BNC2: variants seen among roughly 807,000 people sequenced by gnomAD.
BNC2 encodes basonuclin zinc finger protein 2.
BNC2 carries 20 observed loss-of-function variants against 76.3 expected under a neutral mutation model. The observed-to-expected ratio is 0.26, with a 90% CI of 0.18 to 0.38. The LOEUF (loss-of-function observed/expected upper bound fraction) is 0.38. Ranked by LOEUF, BNC2 falls within the 10% of genes least tolerant of loss-of-function variation. The pLI is 1.00. For missense variants in BNC2, 1,382 were observed against 1,399.8 expected (o/e 0.99, Z 0.20); for synonymous variants, 582 against 514.8 (o/e 1.13, Z -1.77).
intron 3 of BNC2, among the ~76,000 whole-genome samples, chr9:16,677,578 A>AACACACACACAC (rs57587457): frequency 0.017 from 2,431 of 139,306 alleles, 47 homozygotes; most frequent in East Asian, 0.047. Context: ...GTCTCAAACA[A>AACACACACACAC]ACACACACAC....
At chr9:16,528,847 C>T (rs747274054) in intron 5 of BNC2, among the ~76,000 whole-genome samples, 1 of 152,148 alleles carries the variant, frequency 6.6e-6, no homozygotes, top group African/African-American at 2.4e-5. Flanking sequence ...TGGAAAGAGG[C>T]CTGTATTAGT....
At chr9:16,819,176 C>T (rs183744696) in intron 1 of BNC2, among the ~76,000 whole-genome samples, 6 of 152,164 alleles carry the variant, frequency 3.9e-5, no homozygotes, top group East Asian at 3.9e-4. Context: ...GTACAACAAA[C>T]GGTCAAAGAA....
At chr9:16,814,280 GACACACACAT>G (rs1402736729) in intron 1 of BNC2, among the ~76,000 whole-genome samples, 2 of 152,052 alleles carry the variant, frequency 1.3e-5, no homozygotes, top group African/African-American at 2.4e-5. Context: ...TGCACACAGG[GACACACACAT>G]ACACACACAC....
At chr9:16,769,203 G>A (rs1451174821) in intron 1 of BNC2, among the ~76,000 whole-genome samples, 5 of 152,148 alleles carry the variant, frequency 3.3e-5, no homozygotes, top group Non-Finnish European at 1.5e-5. Context: ...ACAAAACTAA[G>A]TGCGCTTTTT....
At chr9:16,821,986 G>A (rs745328734) in intron 1 of BNC2, among the ~76,000 whole-genome samples, 26 of 151,638 alleles carry the variant, frequency 1.7e-4, no homozygotes, top group Non-Finnish European at 3.1e-4. Context: ...CCAGCTACTC[G>A]GGAGGCTGAA....
At chr9:16,654,146 G>A (rs1587277650) in intron 3 of BNC2, among the ~76,000 whole-genome samples, 1 of 152,064 alleles carries the variant, frequency 6.6e-6, no homozygotes. Flanking sequence ...TCAGAGAGAG[G>A]GACAAAAGCA....
intron 4 of BNC2, among the ~76,000 whole-genome samples, chr9:16,560,153 T>C (rs896230381): frequency 1.4e-4 from 22 of 152,180 alleles, no homozygotes; most frequent in African/African-American, 3.9e-4. Context: ...GGTCTGGGCA[T>C]CAAGAATCTG....
chr9:16,814,944 C>T (rs575989341), intron 1 of BNC2, among the ~76,000 whole-genome samples: 131 of 152,254 alleles, frequency 8.6e-4, no homozygotes, highest in Non-Finnish European at 1.6e-3. Context: ...ACAAACACTT[C>T]AGATGATTAT....
At chr9:16,667,738 G>GA (rs1822343545) in intron 3 of BNC2, among the ~76,000 whole-genome samples, 1 of 152,064 alleles carries the variant, frequency 6.6e-6, no homozygotes, top group South Asian at 2.1e-4. Flanking sequence ...TTTATATACA[G>GA]AAAAAAATAT....
At chr9:16,560,430 G>A (rs1192940511) in intron 4 of BNC2, among the ~76,000 whole-genome samples, 1 of 152,178 alleles carries the variant, frequency 6.6e-6, no homozygotes, top group East Asian at 1.9e-4. Flanking sequence ...AGAGGAAAAT[G>A]GGTAGGTGTG....
chr9:16,848,804 G>A (rs946355985), intron 1 of BNC2, among the ~76,000 whole-genome samples: 5 of 152,164 alleles, frequency 3.3e-5, no homozygotes, highest in African/African-American at 1.2e-4. Flanking sequence ...CACTTTTTGA[G>A]TACCAACATG....
intron 5 of BNC2, among the ~76,000 whole-genome samples, chr9:16,498,655 T>A (rs538148285): frequency 2.0e-5 from 3 of 149,904 alleles, no homozygotes; most frequent in South Asian, 4.2e-4. Flanking sequence ...CCCAATAACT[T>A]ATAGAAAAAT....
Position 16,419,626 on chromosome 9 carries a change from T to C in BNC2, c.2663A>G (p.His888Arg), listed in dbSNP as rs1563774686. The part of the protein sequence containing the change: ...RDRHSANINL[H>R]RKLLTKELDD... ...GAGTTCTTTGGTCAACAGTTTACGA[T>C]GTAGGTTTATGTTGGCACTGTGTCT... The change falls in exon 7 of 7, where the codon CAT (histidine) becomes CGT (arginine). Residue 888 changes from histidine to arginine, a missense_variant. This residue lies in a region of BNC2 where 798 missense variants were observed against 775.5 expected (regional missense o/e 1.03). Transcript: ENST00000380672. 7.1e-7 allele frequency: 1 copy of C among 1,415,358 alleles called. No homozygotes were observed. Among genetic ancestry groups the C allele is most frequent in the East Asian group, 3.6e-5 (1 of 27,942 alleles). 87.7% of individuals were successfully genotyped at this position (1,415,358 alleles called of 1,614,324 possible). A position where few individuals can be genotyped will look rare whatever the true frequency, so the allele number is the denominator to read the frequency against.
At chr9:16,437,826 A>G (rs1261136166) in intron 5 of BNC2, among the ~76,000 whole-genome samples, 1 of 152,200 alleles carries the variant, frequency 6.6e-6, no homozygotes. Context: ...TTTAACAACA[A>G]TGATCTATAT....
chr9:16,821,865 G>A (rs934528338), intron 1 of BNC2, among the ~76,000 whole-genome samples: 10 of 151,982 alleles, frequency 6.6e-5, no homozygotes, highest in South Asian at 6.2e-4. Flanking sequence ...AGGCCAAGGC[G>A]GACGGATCAC....
intron 1 of BNC2, among the ~76,000 whole-genome samples, chr9:16,831,724 A>G (rs7030523): frequency 3.9e-4 from 60 of 152,264 alleles, no homozygotes; most frequent in African/African-American, 1.0e-3. Flanking sequence ...TTCTGTCCTT[A>G]ATCTACTGTG....
intron 6 of BNC2, among the ~76,000 whole-genome samples, chr9:16,423,329 G>A (rs571868875): frequency 2.8e-4 from 42 of 152,216 alleles, no homozygotes; most frequent in African/African-American, 9.6e-4. Context: ...TGATTTGGAA[G>A]GCAAGAAAGA....
intron 1 of BNC2, among the ~76,000 whole-genome samples, chr9:16,862,624 C>T (rs1012688379): frequency 6.6e-6 from 1 of 152,314 alleles, no homozygotes; most frequent in East Asian, 1.9e-4. Context: ...GTGCAGGATA[C>T]CTGCAGAGAG....
At chr9:16,844,435 A>G (rs1023657575) in intron 1 of BNC2, among the ~76,000 whole-genome samples, 2 of 151,358 alleles carry the variant, frequency 1.3e-5, no homozygotes, top group Non-Finnish European at 2.9e-5. Flanking sequence ...AAAAGATGTC[A>G]GGTGGTAATT....
Sources: gnomAD v4.1 joint callset for allele counts (sites outside exome capture counted in the v4.1 genomes callset) on GRCh38, gnomAD v4.1.1 for gene constraint, gnomAD v4.1.1 regional missense constraint, MANE v1.5 for transcripts, NCBI Gene and HGNC (gene_info 2026-07-23, HGNC 2026-07-21) for gene names.